FAM193A: variants seen among roughly 807,000 people sequenced by gnomAD.
FAM193A encodes family with sequence similarity 193 member A.
In FAM193A, 22 loss-of-function variants were observed where a neutral mutation model predicts 126.5. That is an observed-to-expected ratio of 0.17 (90% CI 0.12 to 0.25). The LOEUF (loss-of-function observed/expected upper bound fraction) is 0.25, where lower values mean the gene tolerates loss of function less well. Ranked by LOEUF, FAM193A falls within the 10% of genes least tolerant of loss-of-function variation. The pLI is 1.00. For missense variants in FAM193A, 1,675 were observed against 1,672.8 expected (o/e 1.00, Z -0.02); for synonymous variants, 761 against 646.8 (o/e 1.18, Z -2.68).
intron 5 of FAM193A, 86 bp downstream of exon 5, chr4:2,631,255 C>T (rs779276123): frequency 3.1e-5 from 40 of 1,291,356 alleles, no homozygotes; most frequent in South Asian, 8.3e-5. Context: ...GCATGTGTGC[C>T]GACCTCGCTG....
At chr4:2,670,732 T>C (rs1713694979) in intron 12 of FAM193A, among the ~76,000 whole-genome samples, 1 of 152,166 alleles carries the variant, frequency 6.6e-6, no homozygotes, top group Non-Finnish European at 1.5e-5. Flanking sequence ...AGTGTTGGGA[T>C]TACAGGTGTG....
intron 4 of FAM193A, among the ~76,000 whole-genome samples, chr4:2,630,441 A>G (rs570369089): frequency 3.9e-4 from 60 of 152,326 alleles, no homozygotes; most frequent in African/African-American, 1.4e-3. Context: ...AGGCTGCCGC[A>G]GATCTGCAGC....
intron 1 of FAM193A, among the ~76,000 whole-genome samples, chr4:2,557,215 C>G (rs1378951530): frequency 6.6e-6 from 1 of 152,126 alleles, no homozygotes; most frequent in Non-Finnish European, 1.5e-5. Flanking sequence ...ATCTCTCTCT[C>G]AGAATATCTT....
At chr4:2,705,883 C>T (rs551149478) in intron 19 of FAM193A, among the ~76,000 whole-genome samples, 10 of 152,238 alleles carry the variant, frequency 6.6e-5, no homozygotes, top group African/African-American at 1.7e-4. Flanking sequence ...CTACCATGCC[C>T]GGCCTTAGCA....
intron 1 of FAM193A, among the ~76,000 whole-genome samples, chr4:2,570,162 C>T (rs1739206978): frequency 6.6e-6 from 1 of 152,014 alleles, no homozygotes; most frequent in African/African-American, 2.4e-5. Flanking sequence ...ATCCGGGATT[C>T]TGGACAGTAG....
intron 1 of FAM193A, among the ~76,000 whole-genome samples, chr4:2,578,867 A>G (rs1739757232): frequency 6.6e-6 from 1 of 151,228 alleles, no homozygotes; most frequent in African/African-American, 2.5e-5. Flanking sequence ...GGCTAGGCTG[A>G]GAGAGGAGGA....
intron 1 of FAM193A, among the ~76,000 whole-genome samples, chr4:2,557,141 A>G (rs562096464): frequency 1.4e-4 from 21 of 152,136 alleles, no homozygotes; most frequent in Non-Finnish European, 2.9e-4. Context: ...TGAGAGATTA[A>G]CAACAATAAC....
At chr4:2,607,839 ATAC>A in intron 2 of FAM193A, 1 of 594,564 alleles carries the variant, frequency 1.7e-6, no homozygotes, top group Non-Finnish European at 2.9e-6. Flanking sequence ...ATTTCTTTAT[ATAC>A]ACTCAGTAGC....
chr4:2,708,498 T>C (rs1217642010), intron 19 of FAM193A, among the ~76,000 whole-genome samples: 2 of 152,040 alleles, frequency 1.3e-5, no homozygotes, highest in Non-Finnish European at 2.9e-5. Context: ...GTTTCATTCT[T>C]GTCGCCCAGG....
chr4:2,728,891 C>CA (rs1213015096), intron 20 of FAM193A, among the ~76,000 whole-genome samples: 1 of 115,476 alleles, frequency 8.7e-6, no homozygotes, highest in South Asian at 2.9e-4. Context: ...GTTCCACCTC[C>CA]AAAACTTTTT....
At chr4:2,578,849 T>C (rs1299907278) in intron 1 of FAM193A, among the ~76,000 whole-genome samples, 1 of 152,026 alleles carries the variant, frequency 6.6e-6, no homozygotes, top group African/African-American at 2.4e-5. Flanking sequence ...CCTCATTCTC[T>C]TTACATTGGC....
At position 2,659,557 on chromosome 4, in the gene FAM193A, G is replaced by A. The variant is rs2109102973; in HGVS notation, c.1390-1G>A. On this transcript the variant is annotated splice_acceptor_variant, in intron 8 of 20. Transcript: ENST00000637812. LOFTEE classifies it high-confidence loss of function. ...TTAAAGCATTTTAAAATTTCCTCTA[G>A]TTAACCAATAAGAAAGCAGTTACTG... The A allele has an allele frequency of 1.2e-6, 2 of 1,609,180 alleles. No homozygotes were observed. Among genetic ancestry groups the A allele is most frequent in the African/African-American group, 1.3e-5 (1 of 74,928 alleles).
chr4:2,581,829 A>G (rs1416190494), intron 1 of FAM193A, among the ~76,000 whole-genome samples: 2 of 151,140 alleles, frequency 1.3e-5, no homozygotes, highest in Non-Finnish European at 3.0e-5. Flanking sequence ...AATTTTTTGT[A>G]TTTTTAGTAG....
intron 1 of FAM193A, among the ~76,000 whole-genome samples, chr4:2,537,456 C>T (rs1578546500): frequency 6.6e-6 from 1 of 152,218 alleles, no homozygotes; most frequent in African/African-American, 2.4e-5. Context: ...ACGGGCTGGT[C>T]CGCAGGCTGG....
chr4:2,700,946 CAG>C (rs1169596550), intron 19 of FAM193A, among the ~76,000 whole-genome samples: 3 of 151,842 alleles, frequency 2.0e-5, no homozygotes, highest in East Asian at 3.9e-4. Flanking sequence ...GCGTGGGTGA[CAG>C]AGAGACTCCA....
intron 2 of FAM193A, among the ~76,000 whole-genome samples, chr4:2,621,704 C>T (rs952999016): frequency 2.0e-5 from 3 of 151,962 alleles, no homozygotes; most frequent in Admixed American, 6.6e-5. Flanking sequence ...TTGGAAGCAG[C>T]GGAGGAAGAA....
intron 15 of FAM193A, among the ~76,000 whole-genome samples, chr4:2,692,641 C>G (rs933699783): frequency 1.3e-5 from 2 of 152,142 alleles, no homozygotes; most frequent in African/African-American, 4.8e-5. Context: ...AAGACAAATC[C>G]AAATTGGCAG....
chr4:2,706,157 A>G (rs1227145666), intron 19 of FAM193A, among the ~76,000 whole-genome samples: 1 of 152,190 alleles, frequency 6.6e-6, no homozygotes, highest in East Asian at 1.9e-4. Context: ...ACAATGAGCT[A>G]TAATTGTGCC....
At chr4:2,610,634 T>G (rs1044948520) in intron 2 of FAM193A, among the ~76,000 whole-genome samples, 1 of 152,202 alleles carries the variant, frequency 6.6e-6, no homozygotes, top group Non-Finnish European at 1.5e-5. Context: ...TAATAATCCA[T>G]TGTATGGATA....
Sources: gnomAD v4.1 joint callset for allele counts (sites outside exome capture counted in the v4.1 genomes callset) on GRCh38, gnomAD v4.1.1 for gene constraint, MANE v1.5 for transcripts, NCBI Gene and HGNC (gene_info 2026-07-23, HGNC 2026-07-21) for gene names.